CARS1: variants seen among roughly 807,000 people sequenced by gnomAD.
The protein encoded by CARS1 is cysteine--tRNA ligase, cytoplasmic.
CARS1 carries 48 observed loss-of-function variants against 106.2 expected under a neutral mutation model. The ratio of observed to expected loss-of-function variants is 0.45; its 90% CI spans 0.36 to 0.57. The LOEUF (loss-of-function observed/expected upper bound fraction) is 0.57. Ranked by LOEUF, CARS1 falls within the 20% of genes least tolerant of loss-of-function variation. The pLI, the probability that CARS1 is intolerant of heterozygous loss-of-function variation, is 0.00. For synonymous variants in CARS1, 409 were observed against 403.4 expected (o/e 1.01, Z -0.17); for missense variants, 968 against 1,057.2 (o/e 0.92, Z 1.17).
Position 3,057,378 on chromosome 11 carries a change from C to T in CARS1, c.-11G>A. 2 of 1,609,796 alleles carry T rather than the reference C, an allele frequency of 1.2e-6. No individual in the cohort carries two copies. ...GGAGGAATCTGCCATGGCTGGGAAT[C>T]CCGGACCCGCAGCTGCGGCTACAGA... On this transcript the variant is annotated 5_prime_UTR_variant, in exon 1 of 23. Transcript: ENST00000380525.
chr11:3,020,139 G>C lies in CARS1; in HGVS notation c.1266+81C>G. 1 of 847,484 alleles carries C rather than the reference G, an allele frequency of 1.2e-6. No individual in the cohort carries two copies. Among genetic ancestry groups the C allele is most frequent in the East Asian group, 2.4e-5 (1 of 41,346 alleles). The allele number at this position is 847,484 out of a possible 1,614,324, so 52.5% of individuals were successfully genotyped here. ...TGACAACATCCTTCACACACAGAGC[G>C]GCCCTCTGCTGGGGGCCTGAGAGTG... On this transcript the variant is annotated intron_variant, in intron 11 of 22. Transcript: ENST00000380525. The surrounding 1 kb of genome is among the most constrained non-coding windows in gnomAD (Gnocchi z 4.6).
In CARS1 at chr11:3,029,647, C is replaced by T. The variant is rs1049612489; in HGVS notation, c.802-204G>A. On this transcript the variant is annotated intron_variant, in intron 7 of 22. Transcript: ENST00000380525. The surrounding 1 kb of genome is among the most constrained non-coding windows in gnomAD (Gnocchi z 5.9). The stretch of plus-strand genomic sequence containing the variant: ...TACAAGACTCTACAAATGGGCAGGT[C>T]TCACATGAACTCAGAGGAGCAAAGC... 1.8e-6 allele frequency: 1 copy of T among 571,096 alleles called. No individual in the cohort carries two copies. Among genetic ancestry groups the T allele is most frequent in the African/African-American group, 1.9e-5 (1 of 53,406 alleles). The allele number at this position is 571,096 out of a possible 1,614,324, so 35.4% of individuals were successfully genotyped here. A position where few individuals can be genotyped will look rare whatever the true frequency, so the allele number is the denominator to read the frequency against.
chr11:3,015,283 G>A (rs750878179), intron 17 of CARS1, among the ~76,000 whole-genome samples: 13 of 152,244 alleles, frequency 8.5e-5, no homozygotes, highest in African/African-American at 2.7e-4. Flanking sequence ...CATGTGGACC[G>A]ACCTGGGCTC....
Position 3,028,332 on chromosome 11 carries a change from G to T in CARS1, c.1031+664C>A. The T allele has an allele frequency of 2.0e-6, 1 of 502,942 alleles. No homozygotes were observed. Among genetic ancestry groups the T allele is most frequent in the African/African-American group, 2.0e-5 (1 of 49,078 alleles). 31.2% of individuals were successfully genotyped at this position (502,942 alleles called of 1,614,324 possible). A position where few individuals can be genotyped will look rare whatever the true frequency, so the allele number is the denominator to read the frequency against. ...CCGGTCTCCGCGTCTTGGTGGTAGT[G>T]GTCCCCCGGGCCCAGCTGTCTTCTC... On this transcript the variant is annotated intron_variant, in intron 9 of 22. Transcript: ENST00000380525. This position sits in a 1 kb window ranked among gnomAD's most constrained non-coding sequence, Gnocchi z 4.4.
chr11:3,029,047 T>C lies in CARS1; in HGVS notation c.980A>G (p.Tyr327Cys), dbSNP rs771395120. The C allele has an allele frequency of 1.9e-6, 3 of 1,613,796 alleles. No individual in the cohort carries two copies. The highest frequency in any genetic ancestry group is 1.7e-6 in the Non-Finnish European group (2 of 1,179,834). The change falls in exon 9 of 23, where the codon TAT becomes TGT. Residue 327 changes from tyrosine to cysteine, a missense_variant. Physicochemically the swap from Tyr to Cys is radical, Grantham distance 194 (BLOSUM62 -2). Transcript: ENST00000380525. This position sits in a 1 kb window ranked among gnomAD's most constrained non-coding sequence, Gnocchi z 5.9. ...GACAAAGTTCACAATTTCTGGCACATACTCACTAACCCGGGTTAAGACATC... is the reference window on the plus strand; with the variant it reads ...GACAAAGTTCACAATTTCTGGCACACACTCACTAACCCGGGTTAAGACATC... ...PPDVLTRVSE[Y>C]VPEIVNFVQK...
rs554710714 is a variant in CARS1 at position 3,019,259 on chromosome 11, C to A, written c.1275G>T (p.Pro425=). The A allele has an allele frequency of 4.2e-6, 6 of 1,435,498 alleles. No individual in the cohort carries two copies. In the African/African-American group the frequency reaches 4.4e-5, roughly 10 times the overall value. 88.9% of individuals were successfully genotyped at this position (1,435,498 alleles called of 1,614,324 possible). A position where few individuals can be genotyped will look rare whatever the true frequency, so the allele number is the denominator to read the frequency against. ...SWPCPWGKGR[P]GWHIECSAMA... ...TGGCCGAGCACTCGATATGCCAGCC[C>A]GGACGACCCTGGAGAAAGCCGAACA... The change falls in exon 12 of 23, where the codon CCG becomes CCT. Residue 425 remains proline (P), a synonymous_variant. Coordinates refer to ENST00000380525, the MANE Select transcript of CARS1 (RefSeq NM_001014437.3). This position sits in a 1 kb window ranked among gnomAD's most constrained non-coding sequence, Gnocchi z 6.2.
rs1315227941 is a variant in CARS1 at position 3,021,297 on chromosome 11, CA to C, written c.1154-966del. ...GCAGAGCAGAGGTCTTCACTCTAGG[CA>C]TAAGGTTACCAGGACCCACGCCAGG... On this transcript the variant is annotated intron_variant, in intron 10 of 22. Transcript: ENST00000380525. The surrounding 1 kb of genome is among the most constrained non-coding windows in gnomAD (Gnocchi z 5.3). 6.6e-6 allele frequency among the ~76,000 whole-genome samples: 1 copy of C among 152,236 alleles called. No individual in the cohort carries two copies. The highest frequency in any genetic ancestry group is 2.4e-5 in the African/African-American group (1 of 41,456).
rs1854811223 is a variant in CARS1, at chr11:3,043,981, A to G, written c.275-1725T>C. Among the ~76,000 whole-genome samples the G allele has an allele frequency of 6.6e-6, 1 of 152,202 alleles. No individual in the cohort carries two copies. Among genetic ancestry groups the G allele is most frequent in the South Asian group, 2.1e-4 (1 of 4,832 alleles). On this transcript the variant is annotated intron_variant, in intron 2 of 22. Coordinates refer to ENST00000380525, the MANE Select transcript of CARS1 (RefSeq NM_001014437.3). This position sits in a 1 kb window ranked among gnomAD's most constrained non-coding sequence, Gnocchi z 4.0. ...TTAATCAAACATCATGTGCTTATTG[A>G]GGCCAAGTGCAGCTCGGCCTCAGTG...
At position 3,052,528 on chromosome 11, in the gene CARS1, A is replaced by G. The variant is rs1590578661; in HGVS notation, c.26-4527T>C. Among the ~76,000 whole-genome samples, 1 of 152,136 alleles carries G rather than the reference A, an allele frequency of 6.6e-6. No homozygotes were observed. The highest frequency in any genetic ancestry group is 2.4e-5 in the African/African-American group (1 of 41,408). ...TATTATTTTAAAAGTTTATTACCAA[A>G]TCTGCCTTGATCTTGGATCACATAA... is the stretch of plus-strand genomic sequence containing the variant. On this transcript the variant is annotated intron_variant, in intron 1 of 22. Transcript: ENST00000380525. The surrounding 1 kb of genome is among the most constrained non-coding windows in gnomAD (Gnocchi z 4.6).
In CARS1 at chr11:3,017,094, G is replaced by A. The variant is rs769054827; in HGVS notation, c.1917+12C>T. The A allele has an allele frequency of 1.9e-6, 3 of 1,606,060 alleles. No individual in the cohort carries two copies. The African/African-American group carries it at 4.0e-5, about 21-fold the overall frequency. ...CAGGCTGAGGGATACGCCTGCCTGG[G>A]GCCTGGCTTACCTTCAGCATATGGG... On this transcript the variant is annotated intron_variant, in intron 16 of 22. Transcript: ENST00000380525. This position sits in a 1 kb window ranked among gnomAD's most constrained non-coding sequence, Gnocchi z 4.9.
At position 3,053,292 on chromosome 11, in the gene CARS1, A is replaced by G. The variant is rs1471550989; in HGVS notation, c.25+4051T>C. Among the ~76,000 whole-genome samples, 3 of 151,962 alleles carry G rather than the reference A, an allele frequency of 2.0e-5. No homozygotes were observed. Among genetic ancestry groups the G allele is most frequent in the Non-Finnish European group, 4.4e-5 (3 of 68,010 alleles). ...GTCACCCAGGCTGGAGTGCAGTGGC[A>G]TGATCTCGGCTCACTGCAAACTCTG... On this transcript the variant is annotated intron_variant, in intron 1 of 22. Coordinates refer to ENST00000380525, the MANE Select transcript of CARS1 (RefSeq NM_001014437.3). This position sits in a 1 kb window ranked among gnomAD's most constrained non-coding sequence, Gnocchi z 6.6.
rs35817164 is a variant in CARS1 at position 3,017,235 on chromosome 11, G to A, written c.1788C>T (p.Thr596=). The A allele has an allele frequency of 7.4e-4, 1,189 of 1,614,106 alleles. 9 individuals are homozygous for A. In the African/African-American group the frequency reaches 0.013, roughly 17 times the overall value. The change falls in exon 16 of 23, where the codon ACC becomes ACT. Residue 596 remains threonine, a synonymous_variant. Transcript: ENST00000380525. The surrounding 1 kb of genome is among the most constrained non-coding windows in gnomAD (Gnocchi z 4.9). ...CCAAGGCCCGCATCTCTTCCATGACGGTGCGGGTGTCAACATTGTCACAGA... is the reference window on the plus strand; with the variant it reads ...CCAAGGCCCGCATCTCTTCCATGACAGTGCGGGTGTCAACATTGTCACAGA... ...KALCDNVDTR[T]VMEEMRALVS...
rs1180036836 is a variant in CARS1 at position 3,043,437 on chromosome 11, AG to A, written c.275-1182del. 6.6e-6 allele frequency among the ~76,000 whole-genome samples: 1 copy of A among 151,612 alleles called. No homozygotes were observed. The highest frequency in any genetic ancestry group is 1.5e-5 in the Non-Finnish European group (1 of 67,904). ...CTCCACAGTCGTCGCCCACAGGTCC[AG>A]GTTCTGCGTTATGCTCTGCTGGGCA... On this transcript the variant is annotated intron_variant, in intron 2 of 22. Coordinates refer to ENST00000380525, the MANE Select transcript of CARS1 (RefSeq NM_001014437.3). This position sits in a 1 kb window ranked among gnomAD's most constrained non-coding sequence, Gnocchi z 4.0.
In CARS1 at chr11:3,041,174, C is replaced by G; in HGVS notation, c.367-190G>C. On this transcript the variant is annotated intron_variant, in intron 3 of 22. Transcript: ENST00000380525. The surrounding 1 kb of genome is among the most constrained non-coding windows in gnomAD (Gnocchi z 4.9). The stretch of plus-strand genomic sequence containing the variant: ...CAGTGAGATGTACGGCACCTCCCAC[C>G]AACTGAGCCCTGGGTGGGTGGGGCC... 2 of 768,034 alleles carry G rather than the reference C, an allele frequency of 2.6e-6. No homozygotes were observed. The highest frequency in any genetic ancestry group is 1.8e-5 in the African/African-American group (1 of 55,900). The allele number at this position is 768,034 out of a possible 1,614,324, so 47.6% of individuals were successfully genotyped here.
rs1318464014 is a variant in CARS1 at position 3,001,041 on chromosome 11, G to A, written c.*73C>T. The A allele has an allele frequency of 9.8e-6, 15 of 1,531,734 alleles. No individual in the cohort carries two copies. The Admixed American group carries it at 1.3e-4, about 14-fold the overall frequency. The allele number at this position is 1,531,734 out of a possible 1,614,324, so 94.9% of individuals were successfully genotyped here. ...GGGTGACTGTAAACATGATAGGAGC[G>A]CTGGGACATTGTCACTGAGGCAGAC... On this transcript the variant is annotated 3_prime_UTR_variant, in exon 23 of 23. Transcript: ENST00000380525.
intron 18 of CARS1, among the ~76,000 whole-genome samples, chr11:3,009,773 G>A (rs1445339378): frequency 1.3e-5 from 2 of 152,184 alleles, no homozygotes; most frequent in African/African-American, 4.8e-5. Context: ...TCTGTCTGTG[G>A]AGCATCTGGC....
intron 20 of CARS1, 71 bp from the exon 21 acceptor site, chr11:3,002,671 C>T (rs1554958846): frequency 1.6e-5 from 26 of 1,601,670 alleles, no homozygotes; most frequent in Non-Finnish European, 2.2e-5. Flanking sequence ...AGTGAGAGGT[C>T]TAGCCAAACA....
At chr11:3,033,123 T>C (rs1289939237) in intron 7 of CARS1, among the ~76,000 whole-genome samples, 1 of 152,052 alleles carries the variant, frequency 6.6e-6, no homozygotes, top group Non-Finnish European at 1.5e-5. Flanking sequence ...GAGTTTTGTT[T>C]TGGTTCTTGT....
rs140579023 is a variant in CARS1, at chr11:3,038,142, G to A, written c.709C>T (p.Arg237Trp). The change falls in exon 7 of 23, where the codon CGG becomes TGG. Residue 237 changes from arginine (R) to tryptophan (W), a missense_variant. Arg to Trp is a moderately radical substitution (Grantham distance 101). Coordinates refer to ENST00000380525, the MANE Select transcript of CARS1 (RefSeq NM_001014437.3). This position sits in a 1 kb window ranked among gnomAD's most constrained non-coding sequence, Gnocchi z 4.0. The stretch of plus-strand genomic sequence containing the variant: ...GCAAGCTGCACTGCGTGCTGAATCC[G>A]TTCGAGCATCTGCTTTTTATCGGGA... ...TDPDKKQMLE[R>W]IQHAVQLATE... The A allele has an allele frequency of 3.1e-5, 50 of 1,614,072 alleles. No individual in the cohort carries two copies. Among genetic ancestry groups the A allele is most frequent in the African/African-American group, 1.3e-4 (10 of 75,052 alleles).
Sources: gnomAD v4.1 joint callset for allele counts (sites outside exome capture counted in the v4.1 genomes callset) on GRCh38, gnomAD v4.1.1 for gene constraint, Gnocchi (gnomAD v3.1) non-coding constraint, MANE v1.5 for transcripts, NCBI Gene and HGNC (gene_info 2026-07-23, HGNC 2026-07-21) for gene names.